The following NRXN3 variants were observed in gnomAD, a reference collection of about 807,000 sequenced individuals.
The protein encoded by NRXN3 is neurexin 3.
NRXN3 carries 32 observed loss-of-function variants against 137.6 expected under a neutral mutation model. That is an observed-to-expected ratio of 0.23 (90% CI 0.18 to 0.31). The LOEUF is 0.31. Ranked by LOEUF, NRXN3 falls within the 10% of genes least tolerant of loss-of-function variation. The probability of loss-of-function intolerance (pLI) is 1.00; values close to 1 mark genes in which losing one functional copy is unlikely to be tolerated. For missense variants in NRXN3, 1,574 were observed against 2,062.5 expected (o/e 0.76, Z 4.59); for synonymous variants, 798 against 784.5 (o/e 1.02, Z -0.29).
chr14:79,832,003 C>T (rs1368105304), intron 20 of NRXN3, among the ~76,000 whole-genome samples: 2 of 152,070 alleles, frequency 1.3e-5, no homozygotes, highest in South Asian at 2.1e-4. Flanking sequence ...TTTCAGGACA[C>T]CCCCTCGCCG....
At chr14:78,344,920 A>T (rs1004871211) in intron 4 of NRXN3, among the ~76,000 whole-genome samples, 1 of 152,178 alleles carries the variant, frequency 6.6e-6, no homozygotes, top group Admixed American at 6.5e-5. Flanking sequence ...AAAGTGTGAG[A>T]GCCACTGCAC....
intron 15 of NRXN3, among the ~76,000 whole-genome samples, chr14:79,203,673 G>A (rs912235839): frequency 6.6e-6 from 1 of 152,158 alleles, no homozygotes; most frequent in Non-Finnish European, 1.5e-5. Flanking sequence ...CAAAATGTGT[G>A]CTAAAGCTTT....
intron 2 of NRXN3, among the ~76,000 whole-genome samples, chr14:78,276,418 G>T (rs1377860119): frequency 6.6e-6 from 1 of 152,158 alleles, no homozygotes; most frequent in East Asian, 1.9e-4. Flanking sequence ...TGTTTCCAGT[G>T]AGCCATCTGG....
At chr14:79,457,761 A>T (rs1326319823) in intron 15 of NRXN3, among the ~76,000 whole-genome samples, 1 of 152,166 alleles carries the variant, frequency 6.6e-6, no homozygotes, top group Admixed American at 6.5e-5. Flanking sequence ...ACTGCTTTTT[A>T]TGTGTATTGT....
chr14:79,315,872 A>C, intron 15 of NRXN3, among the ~76,000 whole-genome samples: 1 of 152,236 alleles, frequency 6.6e-6, no homozygotes, highest in East Asian at 1.9e-4. Flanking sequence ...TTATTTCTTA[A>C]TATGGACAAT....
chr14:78,293,467 C>CGA (rs2076006856), intron 3 of NRXN3, among the ~76,000 whole-genome samples: 1 of 152,146 alleles, frequency 6.6e-6, no homozygotes, highest in Admixed American at 6.6e-5. Flanking sequence ...TACTCCATCC[C>CGA]ACCTTCCTAT....
chr14:79,616,067 AC>A (rs2098151688), intron 16 of NRXN3, among the ~76,000 whole-genome samples: 1 of 152,150 alleles, frequency 6.6e-6, no homozygotes, highest in Non-Finnish European at 1.5e-5. Flanking sequence ...CATACTAGTC[AC>A]ACCAAGGAAG....
In NRXN3 at chr14:79,862,556, A is replaced by G. The variant is rs1176242347; in HGVS notation, c.*592A>G. 3 of 152,098 alleles carry G rather than the reference A, an allele frequency of 2.0e-5. No individual in the cohort carries two copies. Among genetic ancestry groups the G allele is most frequent in the Admixed American group, 6.6e-5 (1 of 15,232 alleles). The allele number at this position is 152,098 out of a possible 1,614,324, so 9.4% of individuals were successfully genotyped here. A position where few individuals can be genotyped will look rare whatever the true frequency, so the allele number is the denominator to read the frequency against. ...GCGTGTAACTTTATGATCTGAGGGG[A>G]AAAATGGCTTTTGGGTTTTTGTTTA... On this transcript the variant is annotated 3_prime_UTR_variant, in exon 21 of 21. Transcript: ENST00000335750.
chr14:78,928,542 C>T (rs1051125658), intron 10 of NRXN3, among the ~76,000 whole-genome samples: 4 of 152,066 alleles, frequency 2.6e-5, no homozygotes, highest in South Asian at 4.1e-4. Context: ...TGAGTGAGAA[C>T]ATGCGGTGTT....
intron 15 of NRXN3, among the ~76,000 whole-genome samples, chr14:79,285,199 C>A (rs560898128): frequency 3.9e-5 from 6 of 152,254 alleles, no homozygotes; most frequent in South Asian, 4.1e-4. Context: ...CACACACACA[C>A]AAAAACTTGC....
chr14:79,705,080 G>T (rs923804054), intron 19 of NRXN3, among the ~76,000 whole-genome samples: 4 of 152,114 alleles, frequency 2.6e-5, no homozygotes, highest in Non-Finnish European at 5.9e-5. Flanking sequence ...TCATAGAGAT[G>T]CCCTTCCAAT....
At chr14:78,690,689 G>T (rs1255864628) in intron 6 of NRXN3, among the ~76,000 whole-genome samples, 1 of 152,096 alleles carries the variant, frequency 6.6e-6, no homozygotes, top group East Asian at 1.9e-4. Context: ...TATTAATTCT[G>T]GGACAATGAA....
intron 10 of NRXN3, among the ~76,000 whole-genome samples, chr14:78,846,567 GTT>G (rs2099027710): frequency 6.6e-6 from 1 of 152,070 alleles, no homozygotes; most frequent in Non-Finnish European, 1.5e-5. Context: ...TGGTTATAAA[GTT>G]GCAATCCTTC....
chr14:79,539,287 G>A (rs896528080), intron 16 of NRXN3, among the ~76,000 whole-genome samples: 1 of 152,052 alleles, frequency 6.6e-6, no homozygotes, highest in Non-Finnish European at 1.5e-5. Context: ...ACCCACCTGG[G>A]CCTCCCAAAG....
intron 10 of NRXN3, among the ~76,000 whole-genome samples, chr14:78,912,724 AAAGT>A (rs1488978627): frequency 3.9e-5 from 6 of 152,184 alleles, no homozygotes; most frequent in Non-Finnish European, 2.9e-5. Flanking sequence ...CAGACCATTC[AAAGT>A]AAGATTATCT....
intron 7 of NRXN3, among the ~76,000 whole-genome samples, chr14:78,713,446 AG>A (rs1394942774): frequency 1.3e-5 from 2 of 152,184 alleles, no homozygotes; most frequent in African/African-American, 2.4e-5. Context: ...TTACCTGCCT[AG>A]AGAGACCTTC....
At chr14:79,134,618 C>T (rs970877057) in intron 15 of NRXN3, among the ~76,000 whole-genome samples, 11 of 152,132 alleles carry the variant, frequency 7.2e-5, no homozygotes, top group African/African-American at 2.2e-4. Context: ...AAATCAGCAG[C>T]GACTTGAACT....
At chr14:78,865,693 T>C (rs918664729) in intron 10 of NRXN3, among the ~76,000 whole-genome samples, 1 of 152,118 alleles carries the variant, frequency 6.6e-6, no homozygotes, top group Non-Finnish European at 1.5e-5. Context: ...TTTATTAAAG[T>C]GAATATCTCT....
chr14:79,464,235 G>C (rs887405244), intron 15 of NRXN3, among the ~76,000 whole-genome samples: 26 of 151,914 alleles, frequency 1.7e-4, no homozygotes, highest in African/African-American at 6.3e-4. Flanking sequence ...TTTCTTCATA[G>C]CAAAGTAATC....
Sources: allele counts gnomAD v4.1 joint callset (sites outside exome capture counted in the v4.1 genomes callset), GRCh38; gene constraint gnomAD v4.1.1; transcripts MANE v1.5; gene names NCBI Gene and HGNC (gene_info 2026-07-23, HGNC 2026-07-21).